AGBL1: variants seen among roughly 807,000 people sequenced by gnomAD.
The protein encoded by AGBL1 is AGBL carboxypeptidase 1.
A neutral mutation model predicts 118.9 loss-of-function variants in AGBL1; 130 were observed. The ratio of observed to expected loss-of-function variants is 1.09; its 90% CI spans 0.95 to 1.26. The LOEUF (loss-of-function observed/expected upper bound fraction) is 1.26, where lower values mean the gene tolerates loss of function less well. AGBL1 is among the 50% of genes most tolerant of loss of function. The pLI, the probability that AGBL1 is intolerant of heterozygous loss-of-function variation, is 0.00. For synonymous variants in AGBL1, 555 were observed against 478.9 expected, an observed-to-expected ratio of 1.16 and a Z score of -2.08; for missense variants, 1,584 against 1,298.1, an observed-to-expected ratio of 1.22 and a Z score of -3.38.
At chr15:86,139,924 G>T in intron 1 of AGBL1, 1 of 157,520 alleles carries the variant, frequency 6.3e-6, no homozygotes, top group South Asian at 1.7e-4. Context: ...CTTGTTCTTG[G>T]AGTCGTGGAA....
chr15:86,620,944 C>G (rs577608510), intron 21 of AGBL1, among the ~76,000 whole-genome samples: 1 of 152,290 alleles, frequency 6.6e-6, no homozygotes, highest in South Asian at 2.1e-4. Flanking sequence ...TGCTCTTTCC[C>G]TCCAGTTAAA....
intron 18 of AGBL1, among the ~76,000 whole-genome samples, chr15:86,457,946 G>C (rs567391908): frequency 2.6e-5 from 4 of 152,050 alleles, no homozygotes; most frequent in African/African-American, 9.7e-5. Flanking sequence ...CAGTGCTTTC[G>C]ATCATAGGGG....
intron 5 of AGBL1, among the ~76,000 whole-genome samples, chr15:86,224,003 C>T (rs893220185): frequency 1.6e-4 from 24 of 152,116 alleles, no homozygotes; most frequent in African/African-American, 5.6e-4. Context: ...CCCAGCTCTG[C>T]TGACATGTCT....
At chr15:86,532,004 A>C (rs550811348) in intron 19 of AGBL1, among the ~76,000 whole-genome samples, 2 of 151,842 alleles carry the variant, frequency 1.3e-5, no homozygotes, top group Non-Finnish European at 2.9e-5. Flanking sequence ...AGCCAATATC[A>C]TACTGAATGG....
downstream of AGBL1, among the ~76,000 whole-genome samples, chr15:86,917,350 T>G (rs1376798017): frequency 6.6e-6 from 1 of 152,170 alleles, no homozygotes; most frequent in East Asian, 1.9e-4. The surrounding 1 kb of genome is among the most constrained non-coding windows in gnomAD (Gnocchi z 4.8). Flanking sequence ...CTCTCAGCAT[T>G]TGGGGCCCAG....
chr15:86,282,815 G>A (rs1011073381), intron 16 of AGBL1, among the ~76,000 whole-genome samples: 1 of 152,162 alleles, frequency 6.6e-6, no homozygotes, highest in Admixed American at 6.5e-5. Flanking sequence ...ATGCTGAGGG[G>A]TAGAAAATAC....
chr15:86,631,956 G>A lies in AGBL1; in HGVS notation c.2995-42317G>A, dbSNP rs190056533. ...GTAATCCCAGCACTTTGAGAGGCCC[G>A]AGGCAGAAGGATCTCTTGAAACCAA... On this transcript the variant is annotated intron_variant, in intron 21 of 22. Transcript: ENST00000614907. 1.5e-3 allele frequency among the ~76,000 whole-genome samples: 234 copies of A among 152,072 alleles called. 2 individuals are homozygous for A. Among genetic ancestry groups the A allele is most frequent in the African/African-American group, 5.2e-3 (215 of 41,460 alleles).
At chr15:86,189,613 C>T (rs945777247) in intron 5 of AGBL1, among the ~76,000 whole-genome samples, 2 of 151,944 alleles carry the variant, frequency 1.3e-5, no homozygotes, top group African/African-American at 4.8e-5. Context: ...GCACTTCCCT[C>T]CTCTCTCTCT....
chr15:86,623,165 G>A (rs2084838182), intron 21 of AGBL1, among the ~76,000 whole-genome samples: 1 of 152,186 alleles, frequency 6.6e-6, no homozygotes, highest in Non-Finnish European at 1.5e-5. Flanking sequence ...GGTATCAGGT[G>A]GGGACCCCTG....
chr15:87,026,441 T>C (rs186517504), intron 24 of AGBL1, among the ~76,000 whole-genome samples: 1 of 151,944 alleles, frequency 6.6e-6, no homozygotes, highest in African/African-American at 2.4e-5. Context: ...AAAACCACAA[T>C]ACACTGCCAC....
intron 18 of AGBL1, among the ~76,000 whole-genome samples, chr15:86,511,561 C>T (rs1432738376): frequency 6.6e-6 from 1 of 152,000 alleles, no homozygotes; most frequent in East Asian, 1.9e-4. Flanking sequence ...TGACCTTAGG[C>T]AGGTTACTTA....
At chr15:86,704,259 A>C (rs2086409641) in intron 22 of AGBL1, among the ~76,000 whole-genome samples, 1 of 152,184 alleles carries the variant, frequency 6.6e-6, no homozygotes, top group Admixed American at 6.5e-5. Flanking sequence ...ACCAAAAGCA[A>C]TTGCAACAAA....
intron 24 of AGBL1, among the ~76,000 whole-genome samples, chr15:86,991,582 G>A (rs999773861): frequency 1.3e-5 from 2 of 152,108 alleles, no homozygotes; most frequent in Non-Finnish European, 2.9e-5. Flanking sequence ...TAATTTCAGA[G>A]GAAGGGAGAA....
chr15:87,006,359 C>T (rs188329915), intron 24 of AGBL1, among the ~76,000 whole-genome samples: 61 of 152,242 alleles, frequency 4.0e-4, no homozygotes, highest in East Asian at 1.9e-3. Context: ...GCTTCCCTGC[C>T]GCTTTGTTTA....
At chr15:86,274,609 C>T (rs1433664898) in intron 15 of AGBL1, among the ~76,000 whole-genome samples, 2 of 152,124 alleles carry the variant, frequency 1.3e-5, no homozygotes, top group African/African-American at 4.8e-5. Context: ...CTTTGGAGAC[C>T]TCTCCCATGC....
At chr15:86,249,984 T>C (rs1259792295) in intron 7 of AGBL1, among the ~76,000 whole-genome samples, 3 of 152,130 alleles carry the variant, frequency 2.0e-5, no homozygotes, top group African/African-American at 7.2e-5. Flanking sequence ...TGAACTACTG[T>C]TGGAATGGAA....
intron 21 of AGBL1, among the ~76,000 whole-genome samples, chr15:86,566,385 T>C (rs2083914726): frequency 6.6e-6 from 1 of 152,176 alleles, no homozygotes; most frequent in Non-Finnish European, 1.5e-5. Flanking sequence ...CCCCCTCTCC[T>C]TTTCATTTTA....
intron 23 of AGBL1, among the ~76,000 whole-genome samples, chr15:86,972,289 C>A (rs1255306593): frequency 6.6e-6 from 1 of 151,898 alleles, no homozygotes; most frequent in African/African-American, 2.4e-5. Context: ...TTCACAGATA[C>A]AACATTTGGC....
intron 22 of AGBL1, among the ~76,000 whole-genome samples, chr15:86,682,657 C>T (rs1306654611): frequency 6.6e-6 from 1 of 151,966 alleles, no homozygotes; most frequent in Non-Finnish European, 1.5e-5. Context: ...ATAAATAGTA[C>T]TTATTTCTCC....
Sources: gnomAD v4.1 joint callset for allele counts (sites outside exome capture counted in the v4.1 genomes callset) on GRCh38, gnomAD v4.1.1 for gene constraint, Gnocchi (gnomAD v3.1) non-coding constraint, MANE v1.5 for transcripts, NCBI Gene and HGNC (gene_info 2026-07-23, HGNC 2026-07-21) for gene names.